The following SEC23B variants were observed in gnomAD, a reference collection of about 807,000 sequenced individuals.
The protein encoded by SEC23B is protein transport protein Sec23B.
SEC23B carries 77 observed loss-of-function variants against 104.3 expected under a neutral mutation model. The observed-to-expected ratio is 0.74, with a 90% CI of 0.61 to 0.89. The LOEUF is 0.89. Among genes scored for constraint, SEC23B ranks in the 40% least tolerant of loss-of-function variants. The pLI is 0.00. For missense variants in SEC23B, 885 were observed against 949.4 expected (o/e 0.93, Z 0.89); for synonymous variants, 338 against 332.5 (o/e 1.02, Z -0.18).
In SEC23B at chr20:18,560,772, T is replaced by C. The variant is rs879811598; in HGVS notation, c.*32T>C. The C allele has an allele frequency of 1.3e-6, 2 of 1,497,056 alleles. No individual in the cohort carries two copies. The highest frequency in any genetic ancestry group is 1.9e-6 in the Non-Finnish European group (2 of 1,073,304). The allele number at this position is 1,497,056 out of a possible 1,614,324, so 92.7% of individuals were successfully genotyped here. A position where few individuals can be genotyped will look rare whatever the true frequency, so the allele number is the denominator to read the frequency against. The stretch of plus-strand genomic sequence containing the variant: ...GATACAACCAGGAAATGCAACGGTG[T>C]CAGATTGTGTTCAAAATGTCTAGAA... On this transcript the variant is annotated 3_prime_UTR_variant, in exon 20 of 20. Coordinates refer to ENST00000650089, the MANE Select transcript of SEC23B (RefSeq NM_006363.6).
chr20:18,542,307 G>T lies in SEC23B; in HGVS notation c.1416G>T (p.Pro472=). 1.2e-6 allele frequency: 2 copies of T among 1,614,040 alleles called. No individual in the cohort carries two copies. The highest frequency in any genetic ancestry group is 1.7e-6 in the Non-Finnish European group (2 of 1,179,994). The change falls in exon 13 of 20, where the codon CCG becomes CCT. Residue 472 remains proline (P), a synonymous_variant. Transcript: ENST00000650089. ...YFEVVNQHNT[P]IPQGGRGAIQ... is the part of the protein sequence containing the mutation. ...CTCTCATCCTACAGCACAACACCCC[G>T]ATCCCCCAAGGAGGCAGAGGAGCCA...
chr20:18,520,842 G>T (rs1260740206), intron 4 of SEC23B, among the ~76,000 whole-genome samples: 1 of 151,998 alleles, frequency 6.6e-6, no homozygotes, highest in Non-Finnish European at 1.5e-5. Context: ...CTTCTGAGGC[G>T]ATCAGGCAGC....
At chr20:18,545,384 C>T (rs2060323089) in intron 14 of SEC23B, among the ~76,000 whole-genome samples, 1 of 152,060 alleles carries the variant, frequency 6.6e-6, no homozygotes, top group African/African-American at 2.4e-5. Flanking sequence ...GCTCATGCTG[C>T]TAGGAAGTTC....
At chr20:18,551,229 AG>A in intron 17 of SEC23B, 54 bp downstream of exon 17, 1 of 970,808 alleles carries the variant, frequency 1.0e-6, no homozygotes. Flanking sequence ...ATTGGAGAAA[AG>A]GCATACACAT....
intron 19 of SEC23B, 40 bp downstream of exon 19, chr20:18,555,213 G>GT (rs745861581): frequency 5.0e-4 from 747 of 1,508,738 alleles, no homozygotes; most frequent in Non-Finnish European, 6.0e-4. Flanking sequence ...TGCTAAGCTA[G>GT]TTTTTTTTTA....
intron 12 of SEC23B, among the ~76,000 whole-genome samples, chr20:18,536,550 G>A (rs2060232559): frequency 6.6e-6 from 1 of 152,142 alleles, no homozygotes; most frequent in African/African-American, 2.4e-5. Context: ...AATTTAGCCA[G>A]GTGTGTTGGT....
In SEC23B at chr20:18,524,583, G is replaced by A; in HGVS notation, c.517G>A (p.Val173Met). Residue 173 changes from valine to methionine, a missense_variant, in exon 5 of 20, where the codon GTG (valine) becomes ATG (methionine). By Grantham distance (21) the Val-to-Met change is conservative. Transcript: ENST00000650089. ...LVGLITFGRM[V>M]QVHELSCEGI... ...GGGTCTGATCACATTTGGAAGGATG[G>A]TGCAGGTTCATGAGCTAAGCTGTGA... 2 of 1,614,228 alleles carry A rather than the reference G, an allele frequency of 1.2e-6. No individual in the cohort carries two copies. The highest frequency in any genetic ancestry group is 1.7e-6 in the Non-Finnish European group (2 of 1,180,036).
At chr20:18,514,115 A>G (rs995597012) in intron 3 of SEC23B, among the ~76,000 whole-genome samples, 4 of 152,184 alleles carry the variant, frequency 2.6e-5, no homozygotes, top group Admixed American at 1.3e-4. Flanking sequence ...GCCAATTTAT[A>G]AGTATGATCT....
intron 9 of SEC23B, among the ~76,000 whole-genome samples, chr20:18,528,831 G>A (rs2060156899): frequency 6.6e-6 from 1 of 152,164 alleles, no homozygotes; most frequent in Non-Finnish European, 1.5e-5. Flanking sequence ...TAGTTTGTGT[G>A]AATTTTTTCT....
chr20:18,532,087 G>T (rs1026708072), intron 10 of SEC23B, among the ~76,000 whole-genome samples: 3 of 152,152 alleles, frequency 2.0e-5, no homozygotes, highest in Non-Finnish European at 4.4e-5. Context: ...TAGAAGATAC[G>T]ATTGGAATTA....
At chr20:18,538,024 A>G (rs554254198) in intron 12 of SEC23B, among the ~76,000 whole-genome samples, 22 of 151,668 alleles carry the variant, frequency 1.5e-4, no homozygotes, top group African/African-American at 5.3e-4. Flanking sequence ...GCTCACTGCA[A>G]CCTCCACCTC....
chr20:18,558,041 G>A (rs914863933), intron 19 of SEC23B, among the ~76,000 whole-genome samples: 2 of 152,124 alleles, frequency 1.3e-5, no homozygotes, highest in African/African-American at 2.4e-5. Flanking sequence ...ATGAGCCACC[G>A]CGCCTGGCCT....
intron 15 of SEC23B, among the ~76,000 whole-genome samples, chr20:18,548,097 G>A (rs1364331557): frequency 6.6e-6 from 1 of 151,762 alleles, no homozygotes; most frequent in African/African-American, 2.4e-5. Flanking sequence ...GATTACAGGC[G>A]CCCACCACCA....
At chr20:18,543,309 A>G in intron 14 of SEC23B, 137 bp downstream of exon 14, 1 of 1,084,386 alleles carries the variant, frequency 9.2e-7, no homozygotes, top group Non-Finnish European at 1.4e-6. Flanking sequence ...CACGCTGGAC[A>G]TTCTGTTAAA....
At chr20:18,552,398 C>T (rs2060395379) in intron 17 of SEC23B, among the ~76,000 whole-genome samples, 1 of 152,230 alleles carries the variant, frequency 6.6e-6, no homozygotes, top group Non-Finnish European at 1.5e-5. Context: ...CTGCTCTTCC[C>T]ACTGGAACCT....
At chr20:18,517,023 GCATGCT>G (rs2060035486) in intron 4 of SEC23B, among the ~76,000 whole-genome samples, 1 of 152,142 alleles carries the variant, frequency 6.6e-6, no homozygotes. Context: ...TTGAACATGA[GCATGCT>G]CAAAAGTGAG....
intron 4 of SEC23B, among the ~76,000 whole-genome samples, chr20:18,522,454 T>G (rs1243743513): frequency 2.0e-5 from 3 of 152,056 alleles, no homozygotes; most frequent in Admixed American, 1.3e-4. Context: ...ACAGGGAGAT[T>G]GAAGGGTAGC....
rs982648204 is a variant in SEC23B, at chr20:18,525,687, C to G, written c.690-101C>G. 7.8e-6 allele frequency: 10 copies of G among 1,289,512 alleles called. No homozygotes were observed. In the East Asian group the frequency reaches 1.9e-4, roughly 24 times the overall value. 79.9% of individuals were successfully genotyped at this position (1,289,512 alleles called of 1,614,324 possible). Reference sequence around the variant, plus strand: ...AAAAAATTACCAGTCAGTTACTACTCTGAATAATTATCTTGAAGAGCAGTA... The same window carrying G: ...AAAAAATTACCAGTCAGTTACTACTGTGAATAATTATCTTGAAGAGCAGTA... On this transcript the variant is annotated intron_variant, in intron 6 of 19. Transcript: ENST00000650089.
intron 6 of SEC23B, 108 bp from the exon 7 acceptor site, chr20:18,525,680 T>A (rs555603362): frequency 8.3e-7 from 1 of 1,203,662 alleles, no homozygotes; most frequent in African/African-American, 1.5e-5. Flanking sequence ...ACCAGTCAGT[T>A]ACTACTCTGA....
Sources: gnomAD v4.1 joint callset for allele counts (sites outside exome capture counted in the v4.1 genomes callset) on GRCh38, gnomAD v4.1.1 for gene constraint, MANE v1.5 for transcripts, NCBI Gene and HGNC (gene_info 2026-07-23, HGNC 2026-07-21) for gene names.